WDR7: variants seen among roughly 807,000 people sequenced by gnomAD.
WDR7 encodes the protein WD repeat-containing protein 7.
WDR7 carries 46 observed loss-of-function variants against 169.4 expected under a neutral mutation model. The observed-to-expected ratio is 0.27, with a 90% CI of 0.21 to 0.35. The LOEUF (loss-of-function observed/expected upper bound fraction) is 0.35. Among genes scored for constraint, WDR7 ranks in the 10% least tolerant of loss-of-function variants. The pLI is 1.00. For synonymous variants in WDR7, 612 were observed against 666.8 expected, an observed-to-expected ratio of 0.92 and a Z score of 1.27; for missense variants, 1,534 against 1,859.3, an observed-to-expected ratio of 0.83 and a Z score of 3.22.
intron 13 of WDR7, among the ~76,000 whole-genome samples, chr18:56,722,745 C>G (rs1455436246): frequency 6.6e-6 from 1 of 151,862 alleles, no homozygotes; most frequent in African/African-American, 2.4e-5. Flanking sequence ...GCTTACTACT[C>G]CCTCCTCTCA....
intron 14 of WDR7, among the ~76,000 whole-genome samples, chr18:56,735,216 T>C (rs2026673867): frequency 6.6e-6 from 1 of 152,104 alleles, no homozygotes; most frequent in Non-Finnish European, 1.5e-5. Context: ...AGGGGATGGT[T>C]AGGAAGCTGT....
intron 20 of WDR7, among the ~76,000 whole-genome samples, chr18:56,868,769 C>G (rs546795706): frequency 2.6e-5 from 4 of 152,114 alleles, no homozygotes; most frequent in Non-Finnish European, 1.5e-5. Context: ...CTCAGTGTTA[C>G]AATTTGTAGT....
At chr18:56,724,999 C>G (rs576125487) in intron 13 of WDR7, among the ~76,000 whole-genome samples, 70 of 152,038 alleles carry the variant, frequency 4.6e-4, no homozygotes, top group African/African-American at 1.5e-3. Flanking sequence ...TTTTTTATGG[C>G]TGCATAGTAT....
In WDR7 at chr18:56,717,975, G is replaced by T. The variant is rs768407489; in HGVS notation, c.1590G>T (p.Gln530His). The T allele has an allele frequency of 6.2e-7, 1 of 1,612,766 alleles. No individual in the cohort carries two copies. Among genetic ancestry groups the T allele is most frequent in the South Asian group, 1.1e-5 (1 of 90,840 alleles). ...ATTCTTCTTTTCAGGCAAGAGTACA[G>T]CACTGCATCTGCTCTGTAGCCAGTG... ...VPPENCSARV[Q>H]HCICSVASDH... The change falls in exon 13 of 28, where the codon CAG (glutamine) becomes CAT (histidine). Residue 530 changes from glutamine (Q) to histidine (H), a missense_variant. By Grantham distance (24) the Gln-to-His change is conservative (BLOSUM62 0). Transcript: ENST00000254442.
At chr18:56,994,312 C>T (rs1617534) in intron 26 of WDR7, among the ~76,000 whole-genome samples, 1 of 152,262 alleles carries the variant, frequency 6.6e-6, no homozygotes, top group East Asian at 1.9e-4. Context: ...GCTTGAGCCA[C>T]TGCACCAGCC....
chr18:56,941,364 C>T (rs1307647069), intron 25 of WDR7, among the ~76,000 whole-genome samples: 1 of 152,060 alleles, frequency 6.6e-6, no homozygotes, highest in African/African-American at 2.4e-5. Flanking sequence ...GAGGGATTTT[C>T]CCTCTGAGGG....
At chr18:56,676,794 C>T (rs1473049751) in intron 2 of WDR7, among the ~76,000 whole-genome samples, 1 of 143,454 alleles carries the variant, frequency 7.0e-6, no homozygotes, top group Non-Finnish European at 1.5e-5. Flanking sequence ...TCACTGCAGT[C>T]TGTCTTCCTG....
chr18:56,986,888 G>C (rs978708600), intron 26 of WDR7, among the ~76,000 whole-genome samples: 1 of 122,992 alleles, frequency 8.1e-6, no homozygotes, highest in African/African-American at 3.2e-5. Context: ...AACCCTGTAA[G>C]TCTCAAGCAG....
intron 13 of WDR7, among the ~76,000 whole-genome samples, 154 bp from the exon 14 acceptor site, chr18:56,731,229 G>A (rs968228574): frequency 1.2e-4 from 19 of 152,196 alleles, no homozygotes; most frequent in African/African-American, 4.6e-4. Flanking sequence ...CTACATGGAA[G>A]ATTGTTAGAG....
chr18:56,939,555 CA>C (rs1191504985), intron 25 of WDR7, among the ~76,000 whole-genome samples, 162 bp downstream of exon 25: 7 of 152,048 alleles, frequency 4.6e-5, no homozygotes, highest in South Asian at 2.1e-4. Flanking sequence ...CAGTTAAAAA[CA>C]AAAATATAGT....
At chr18:56,699,938 C>T (rs2025785695) in intron 12 of WDR7, 1 of 921,226 alleles carries the variant, frequency 1.1e-6, no homozygotes, top group Non-Finnish European at 1.3e-6. Flanking sequence ...CCTTTCTTTC[C>T]CCACTCCTTC....
intron 2 of WDR7, among the ~76,000 whole-genome samples, chr18:56,678,541 A>G (rs557723708): frequency 3.3e-5 from 5 of 151,968 alleles, no homozygotes; most frequent in Non-Finnish European, 5.9e-5. Context: ...CTGTCCCCCA[A>G]GCTGGAGTGC....
chr18:56,790,754 A>G (rs2044471276), intron 19 of WDR7, among the ~76,000 whole-genome samples: 1 of 152,128 alleles, frequency 6.6e-6, no homozygotes, highest in Non-Finnish European at 1.5e-5. Context: ...TTTGATACAA[A>G]TATGTATTTT....
intron 16 of WDR7, among the ~76,000 whole-genome samples, chr18:56,767,264 C>G (rs140982610): frequency 6.6e-6 from 1 of 152,270 alleles, no homozygotes; most frequent in East Asian, 1.9e-4. Context: ...CAGACATGTA[C>G]TGATTGGTAT....
At chr18:56,921,193 T>A (rs2046713737) in intron 21 of WDR7, among the ~76,000 whole-genome samples, 1 of 152,210 alleles carries the variant, frequency 6.6e-6, no homozygotes. Context: ...TTCACTTCTG[T>A]TATTTACATG....
intron 14 of WDR7, among the ~76,000 whole-genome samples, chr18:56,742,370 T>A (rs1254981964): frequency 6.6e-6 from 1 of 152,216 alleles, no homozygotes; most frequent in Non-Finnish European, 1.5e-5. Flanking sequence ...AAGTAATTTA[T>A]AAAAATATAC....
intron 26 of WDR7, among the ~76,000 whole-genome samples, chr18:56,968,273 C>G (rs1160375360): frequency 6.6e-6 from 1 of 151,972 alleles, no homozygotes; most frequent in Admixed American, 6.5e-5. Flanking sequence ...AGTAGATGCA[C>G]AATGCAATGC....
rs545697077 is a variant in WDR7, at chr18:56,827,756, C to T, written c.3304+11612C>T. Among the ~76,000 whole-genome samples the T allele has an allele frequency of 6.6e-5, 10 of 152,120 alleles. No homozygotes were observed. The East Asian group carries it at 1.9e-3, about 29-fold the overall frequency. On this transcript the variant is annotated intron_variant, in intron 20 of 27. Transcript: ENST00000254442. ...ATAAATGCTTGAGAAGATGGATATTCCATTTCCCATGATGTGATTATTGCA... is the reference window on the plus strand; with the variant it reads ...ATAAATGCTTGAGAAGATGGATATTTCATTTCCCATGATGTGATTATTGCA...
At chr18:56,924,699 A>G (rs774993554) in intron 22 of WDR7, among the ~76,000 whole-genome samples, 2 of 152,184 alleles carry the variant, frequency 1.3e-5, no homozygotes, top group Non-Finnish European at 2.9e-5. Flanking sequence ...AGGGGGTCCT[A>G]TTGGTGGTGG....
Sources: gnomAD v4.1 joint callset for allele counts (sites outside exome capture counted in the v4.1 genomes callset) on GRCh38, gnomAD v4.1.1 for gene constraint, MANE v1.5 for transcripts, NCBI Gene and HGNC (gene_info 2026-07-23, HGNC 2026-07-21) for gene names.